CD47: variants seen among roughly 807,000 people sequenced by gnomAD.
The protein encoded by CD47 is leukocyte surface antigen CD47.
A neutral mutation model predicts 44.6 loss-of-function variants in CD47; 11 were observed. That is an observed-to-expected ratio of 0.25 (90% CI 0.16 to 0.41). The LOEUF is 0.41. CD47 is among the 10% of genes least tolerant of loss of function. CD47 has a pLI of 1.00. For synonymous variants in CD47, 140 were observed against 136.3 expected (o/e 1.03, Z -0.19); for missense variants, 306 against 386.7 (o/e 0.79, Z 1.75).
intron 10 of CD47, among the ~76,000 whole-genome samples, chr3:108,048,381 T>C (rs896247637): frequency 4.4e-5 from 6 of 136,532 alleles, no homozygotes; most frequent in Non-Finnish European, 9.4e-5. Context: ...GTTTTTTTTT[T>C]TTTTTTTTTT....
intron 2 of CD47, among the ~76,000 whole-genome samples, chr3:108,075,619 C>A (rs1286474211): frequency 6.6e-6 from 1 of 152,198 alleles, no homozygotes; most frequent in East Asian, 1.9e-4. Flanking sequence ...CCCAAAACCC[C>A]TGCCCTAGCC....
At chr3:108,080,444 T>C (rs2079395472) in intron 1 of CD47, 100 bp from the exon 2 acceptor site, 1 of 644,660 alleles carries the variant, frequency 1.6e-6, no homozygotes, top group African/African-American at 1.8e-5. Context: ...AACATTTCCA[T>C]TGTTCACTTA....
intron 6 of CD47, among the ~76,000 whole-genome samples, chr3:108,057,914 T>C (rs569068197): frequency 2.5e-3 from 378 of 152,252 alleles, no homozygotes; most frequent in African/African-American, 8.4e-3. Context: ...ACAGCTAATA[T>C]CTTTGTAGCG....
chr3:108,083,639 T>G (rs1318752319), intron 1 of CD47, among the ~76,000 whole-genome samples: 1 of 152,046 alleles, frequency 6.6e-6, no homozygotes, highest in Non-Finnish European at 1.5e-5. Context: ...AAAATTCATG[T>G]TGCTAATAGG....
chr3:108,084,012 C>A (rs2079468717), intron 1 of CD47, among the ~76,000 whole-genome samples: 1 of 151,796 alleles, frequency 6.6e-6, no homozygotes, highest in Non-Finnish European at 1.5e-5. Flanking sequence ...TGATTATCAG[C>A]CTCCCACATC....
intron 1 of CD47, among the ~76,000 whole-genome samples, chr3:108,086,078 C>T (rs930360243): frequency 1.3e-5 from 2 of 151,840 alleles, no homozygotes; most frequent in African/African-American, 2.4e-5. Context: ...GGCAGAGTAA[C>T]GTGTACAGCC....
chr3:108,090,728 G>T, intron 1 of CD47, 135 bp downstream of exon 1: 1 of 669,410 alleles, frequency 1.5e-6, no homozygotes, highest in South Asian at 3.3e-5. Flanking sequence ...TCTGCACTTC[G>T]GGCGCTCAGG....
rs2078726701 is a variant in CD47, at chr3:108,046,651, T to C, written c.*637A>G. On this transcript the variant is annotated 3_prime_UTR_variant, in exon 11 of 11. Transcript: ENST00000361309. ...TGGGAAGGACCTGTTACACTGTTTG[T>C]TGAAGGGGGAATGTGGGAATGGCAA... 1 of 152,328 alleles carries C rather than the reference T, an allele frequency of 6.6e-6. No homozygotes were observed. The highest frequency in any genetic ancestry group is 1.5e-5 in the Non-Finnish European group (1 of 68,014). 9.4% of individuals were successfully genotyped at this position (152,328 alleles called of 1,614,324 possible). A position where few individuals can be genotyped will look rare whatever the true frequency, so the allele number is the denominator to read the frequency against.
Position 108,080,271 on chromosome 3 carries a change from T to C in CD47, c.120A>G (p.Pro40=), listed in dbSNP as rs1435490061. ...GTGCCTCCATATTAGTAACAAAGCA[T>C]GGAATGACGACAGTGTCATTACAAA... ...FTFCNDTVVI[P]CFVTNMEAQN... Residue 40 remains proline (P), a synonymous_variant, in exon 2 of 11, where the codon CCA becomes CCG. Transcript: ENST00000361309. 5.0e-6 allele frequency: 8 copies of C among 1,612,366 alleles called. No individual in the cohort carries two copies. Among genetic ancestry groups the C allele is most frequent in the Non-Finnish European group, 6.8e-6 (8 of 1,178,678 alleles).
At chr3:108,069,453 C>A (rs1316753014) in intron 3 of CD47, among the ~76,000 whole-genome samples, 1 of 147,162 alleles carries the variant, frequency 6.8e-6, no homozygotes, top group Non-Finnish European at 1.5e-5. Context: ...GAAAGGGAAA[C>A]AGGAAATTCA....
intron 3 of CD47, among the ~76,000 whole-genome samples, chr3:108,062,602 G>T (rs1172211893): frequency 6.6e-6 from 1 of 151,252 alleles, no homozygotes; most frequent in Non-Finnish European, 1.5e-5. Context: ...ATGGAAAAAG[G>T]TTGACTTATG....
intron 2 of CD47, 129 bp from the exon 3 acceptor site, chr3:108,071,311 GTATT>G (rs2079197580): frequency 5.5e-6 from 3 of 548,914 alleles, no homozygotes; most frequent in African/African-American, 1.9e-5. Flanking sequence ...ATTTTTACAT[GTATT>G]TATTTATACA....
intron 1 of CD47, among the ~76,000 whole-genome samples, chr3:108,082,788 T>C (rs2079443427): frequency 6.6e-6 from 1 of 151,974 alleles, no homozygotes; most frequent in Non-Finnish European, 1.5e-5. Flanking sequence ...TTTGTTACAA[T>C]AAAAACATTT....
chr3:108,078,592 C>T (rs1464609614), intron 2 of CD47, among the ~76,000 whole-genome samples: 2 of 152,004 alleles, frequency 1.3e-5, no homozygotes, highest in Non-Finnish European at 2.9e-5. Context: ...TGACTGATTA[C>T]ACCCTTCATT....
chr3:108,060,632 A>G, intron 4 of CD47, 113 bp downstream of exon 4: 1 of 688,128 alleles, frequency 1.5e-6, no homozygotes, highest in South Asian at 1.7e-5. Context: ...TGTTTAAGCC[A>G]CCCAGTTTGT....
At chr3:108,077,989 T>G (rs1362107723) in intron 2 of CD47, among the ~76,000 whole-genome samples, 6 of 152,048 alleles carry the variant, frequency 3.9e-5, no homozygotes, top group African/African-American at 1.4e-4. Flanking sequence ...GTGTAGGTAG[T>G]TACGCAAATA....
intron 3 of CD47, among the ~76,000 whole-genome samples, chr3:108,070,167 G>A (rs1401822438): frequency 6.6e-6 from 1 of 152,102 alleles, no homozygotes; most frequent in Non-Finnish European, 1.5e-5. Flanking sequence ...CTGAGTAAAA[G>A]TAAAATTCAT....
At chr3:108,065,588 G>A (rs576278637) in intron 3 of CD47, among the ~76,000 whole-genome samples, 4 of 151,942 alleles carry the variant, frequency 2.6e-5, no homozygotes, top group African/African-American at 4.8e-5. Context: ...CGAGACAGAC[G>A]GATCACGAGG....
At chr3:108,070,958 G>A (rs2079189461) in intron 3 of CD47, 135 bp downstream of exon 3, 1 of 535,282 alleles carries the variant, frequency 1.9e-6, no homozygotes. Flanking sequence ...GAGACTAGTA[G>A]TATTCAAATT....
Sources: gnomAD v4.1 joint callset for allele counts (sites outside exome capture counted in the v4.1 genomes callset) on GRCh38, gnomAD v4.1.1 for gene constraint, MANE v1.5 for transcripts, NCBI Gene and HGNC (gene_info 2026-07-23, HGNC 2026-07-21) for gene names.